The following CEP128 variants were observed in gnomAD, a reference collection of about 807,000 sequenced individuals.
CEP128 encodes centrosomal protein 128kDa.
CEP128 carries 132 observed loss-of-function variants against 156.7 expected under a neutral mutation model. The observed-to-expected ratio is 0.84, with a 90% CI of 0.73 to 0.97. CEP128 has a LOEUF of 0.97. CEP128 is among the 50% of genes least tolerant of loss of function. The pLI is 0.00. For missense variants in CEP128, 1,252 were observed against 1,281.9 expected, an observed-to-expected ratio of 0.98 and a Z score of 0.36; for synonymous variants, 469 against 448.9, an observed-to-expected ratio of 1.04 and a Z score of -0.57.
chr14:80,632,005 C>A (rs957823100), intron 19 of CEP128, among the ~76,000 whole-genome samples: 2 of 152,054 alleles, frequency 1.3e-5, no homozygotes, highest in South Asian at 4.1e-4. Flanking sequence ...GTCCATATTA[C>A]TAGCTGATGT....
At chr14:80,550,598 T>C (rs1890170443) in intron 21 of CEP128, among the ~76,000 whole-genome samples, 1 of 151,820 alleles carries the variant, frequency 6.6e-6, no homozygotes, top group South Asian at 2.1e-4. Context: ...TATCCTAATA[T>C]AAAATATATT....
intron 19 of CEP128, among the ~76,000 whole-genome samples, chr14:80,593,260 T>C (rs1202055058): frequency 1.3e-5 from 2 of 151,942 alleles, no homozygotes; most frequent in East Asian, 1.9e-4. Flanking sequence ...AAAAACCCTG[T>C]TGTCGGCCGG....
intron 13 of CEP128, among the ~76,000 whole-genome samples, chr14:80,820,229 T>C (rs992937882): frequency 1.3e-5 from 2 of 152,234 alleles, no homozygotes; most frequent in Non-Finnish European, 2.9e-5. Context: ...TATATGCCTA[T>C]TGACATTTCT....
chr14:80,692,299 TAAATCATATCCAG>T (rs1366604723), intron 19 of CEP128, among the ~76,000 whole-genome samples: 1 of 152,214 alleles, frequency 6.6e-6, no homozygotes, highest in South Asian at 2.1e-4. Context: ...ATCATGGCTC[TAAATCATATCCAG>T]AAATCAACTT....
At chr14:80,765,614 G>A (rs768339142) in intron 16 of CEP128, among the ~76,000 whole-genome samples, 1 of 152,190 alleles carries the variant, frequency 6.6e-6, no homozygotes, top group Non-Finnish European at 1.5e-5. Flanking sequence ...GGACACAGAT[G>A]CCTGGAGCTA....
intron 8 of CEP128, among the ~76,000 whole-genome samples, chr14:80,889,032 T>A (rs777270125): frequency 3.3e-5 from 5 of 152,080 alleles, no homozygotes; most frequent in Non-Finnish European, 5.9e-5. Context: ...CATTCACATG[T>A]GCTACAAAGA....
At chr14:80,644,362 C>G (rs1421961677) in intron 19 of CEP128, among the ~76,000 whole-genome samples, 1 of 152,110 alleles carries the variant, frequency 6.6e-6, no homozygotes, top group African/African-American at 2.4e-5. Context: ...TAGGACTCCC[C>G]TAAAATACTT....
At chr14:80,763,629 A>T (rs1411121362) in intron 16 of CEP128, among the ~76,000 whole-genome samples, 1 of 152,012 alleles carries the variant, frequency 6.6e-6, no homozygotes, top group South Asian at 2.1e-4. Context: ...GTATATCATA[A>T]TTTTTTAATT....
intron 19 of CEP128, among the ~76,000 whole-genome samples, chr14:80,584,565 T>C (rs1439543948): frequency 2.0e-5 from 3 of 152,154 alleles, no homozygotes; most frequent in African/African-American, 7.2e-5. Flanking sequence ...TGCTCACTCG[T>C]TAGGTGCATT....
chr14:80,579,783 T>C (rs777742273), intron 20 of CEP128, among the ~76,000 whole-genome samples: 45 of 152,330 alleles, frequency 3.0e-4, no homozygotes, highest in South Asian at 4.1e-4. Context: ...ATTTGTAAGT[T>C]AGCCCAATGT....
intron 9 of CEP128, among the ~76,000 whole-genome samples, chr14:80,854,473 A>G (rs1887048533): frequency 6.6e-6 from 1 of 152,196 alleles, no homozygotes; most frequent in African/African-American, 2.4e-5. Flanking sequence ...TAGTCTATAT[A>G]CATCAGTCCA....
chr14:80,504,419 G>A (rs1887874391), intron 24 of CEP128, among the ~76,000 whole-genome samples: 1 of 152,150 alleles, frequency 6.6e-6, no homozygotes, highest in Non-Finnish European at 1.5e-5. Flanking sequence ...GATAGATCGT[G>A]GCAGATGGCA....
intron 14 of CEP128, among the ~76,000 whole-genome samples, chr14:80,481,115 A>G (rs535118359): frequency 6.6e-6 from 1 of 152,274 alleles, no homozygotes; most frequent in East Asian, 1.9e-4. Context: ...TCTGCTGGTA[A>G]CAATTTACTG....
At chr14:80,882,537 G>C (rs1163473079) in intron 8 of CEP128, among the ~76,000 whole-genome samples, 2 of 152,068 alleles carry the variant, frequency 1.3e-5, no homozygotes, top group African/African-American at 4.8e-5. Flanking sequence ...TAAAAACAGA[G>C]CTACCACATG....
At chr14:80,892,001 CA>C (rs1889123981) in intron 8 of CEP128, among the ~76,000 whole-genome samples, 1 of 150,904 alleles carries the variant, frequency 6.6e-6, no homozygotes. Context: ...CTACCCAAAG[CA>C]AAATATAGGT....
chr14:80,503,964 T>C (rs556117989), intron 24 of CEP128, among the ~76,000 whole-genome samples: 1 of 152,300 alleles, frequency 6.6e-6, no homozygotes, highest in East Asian at 1.9e-4. Flanking sequence ...ACCTTTGGAT[T>C]TGACCTACTT....
At position 80,822,522 on chromosome 14, in the gene CEP128, C is replaced by T. The variant is rs10137669; in HGVS notation, c.1209+8621G>A. On this transcript the variant is annotated intron_variant, in intron 13 of 24. Coordinates refer to ENST00000555265, the MANE Select transcript of CEP128 (RefSeq NM_152446.5). ...GTCCACCACCTACATCCTGCCGCCACCATGCCCAAGAGAAAGGCTGAAGGG... is the reference window on the plus strand; with the variant it reads ...GTCCACCACCTACATCCTGCCGCCATCATGCCCAAGAGAAAGGCTGAAGGG... 14,437 of 646,682 alleles carry T rather than the reference C, an allele frequency of 0.022. 1,462 individuals are homozygous for T. In the African/African-American group the frequency reaches 0.23, roughly 10 times the overall value. The allele number at this position is 646,682 out of a possible 1,614,324, so 40.1% of individuals were successfully genotyped here.
At chr14:80,681,710 T>G (rs1317912081) in intron 19 of CEP128, among the ~76,000 whole-genome samples, 1 of 152,202 alleles carries the variant, frequency 6.6e-6, no homozygotes. Flanking sequence ...CCTTCCGCCG[T>G]GATTGTAAGT....
intron 16 of CEP128, among the ~76,000 whole-genome samples, chr14:80,775,924 C>T (rs1900764904): frequency 6.6e-6 from 1 of 152,168 alleles, no homozygotes. Context: ...CTTTCCGCCC[C>T]CCGGGTTCAA....
Sources: gnomAD v4.1 joint callset for allele counts (sites outside exome capture counted in the v4.1 genomes callset) on GRCh38, gnomAD v4.1.1 for gene constraint, MANE v1.5 for transcripts, NCBI Gene and HGNC (gene_info 2026-07-23, HGNC 2026-07-21) for gene names.